Variants in DGKB observed in about 807,000 individuals in gnomAD.
The protein encoded by DGKB is 90 kDa diacylglycerol kinase.
A neutral mutation model predicts 114.3 loss-of-function variants in DGKB; 67 were observed. That is an observed-to-expected ratio of 0.59 (90% CI 0.48 to 0.72). The LOEUF (loss-of-function observed/expected upper bound fraction) is 0.72. Ranked by LOEUF, DGKB falls within the 30% of genes least tolerant of loss-of-function variation. The pLI is 0.00. For missense variants in DGKB, 907 were observed against 975.2 expected, an observed-to-expected ratio of 0.93 and a Z score of 0.93; for synonymous variants, 398 against 323.1, an observed-to-expected ratio of 1.23 and a Z score of -2.49.
intron 23 of DGKB, among the ~76,000 whole-genome samples, chr7:14,228,441 G>C (rs1791178797): frequency 6.6e-6 from 1 of 151,916 alleles, no homozygotes; most frequent in African/African-American, 2.4e-5. Flanking sequence ...ACTCATTATT[G>C]TTTTGTAAAA....
At chr7:14,716,621 T>C (rs1828228297) in intron 6 of DGKB, among the ~76,000 whole-genome samples, 1 of 152,210 alleles carries the variant, frequency 6.6e-6, no homozygotes, top group African/African-American at 2.4e-5. Flanking sequence ...AACTGTAAAA[T>C]AATACATGTT....
rs555926226 is a variant in DGKB at position 14,663,291 on chromosome 7, T to C, written c.1134+9638A>G. On this transcript the variant is annotated intron_variant, in intron 13 of 25. Coordinates refer to ENST00000402815, the MANE Select transcript of DGKB (RefSeq NM_001350709.2). ...CTCCTGATACTTAACATCAATTTTC[T>C]TGATAAGTAATGATGGTGAGTGCAT... Among the ~76,000 whole-genome samples, 33 of 152,152 alleles carry C rather than the reference T, an allele frequency of 2.2e-4. No homozygotes were observed. In the Middle Eastern group the frequency reaches 0.01, roughly 47 times the overall value.
intron 21 of DGKB, among the ~76,000 whole-genome samples, chr7:14,403,972 C>T (rs1269410514): frequency 6.6e-6 from 1 of 151,612 alleles, no homozygotes; most frequent in Non-Finnish European, 1.5e-5. Context: ...TCCTTAGGCA[C>T]CAGAATAAAA....
At chr7:14,310,192 A>G (rs1429961748) in intron 23 of DGKB, among the ~76,000 whole-genome samples, 1 of 152,142 alleles carries the variant, frequency 6.6e-6, no homozygotes, top group Admixed American at 6.6e-5. Flanking sequence ...ACCACTGGAC[A>G]CTCCATTTAC....
chr7:14,313,390 CAGTG>C (rs1418820072), intron 23 of DGKB, among the ~76,000 whole-genome samples: 4 of 152,012 alleles, frequency 2.6e-5, no homozygotes, highest in African/African-American at 7.3e-5. Flanking sequence ...GAGCGCCAGA[CAGTG>C]GGCGCAGGTC....
At chr7:14,688,176 C>A (rs182166556) in intron 9 of DGKB, among the ~76,000 whole-genome samples, 7,959 of 152,184 alleles carry the variant, frequency 0.052, 292 homozygotes, top group Admixed American at 0.09. Context: ...TCTGTCCCTT[C>A]TTTCTATCAG....
At chr7:14,377,059 T>G (rs1818604633) in intron 21 of DGKB, among the ~76,000 whole-genome samples, 1 of 152,202 alleles carries the variant, frequency 6.6e-6, no homozygotes, top group African/African-American at 2.4e-5. Context: ...TGATATGATG[T>G]GACAGCATCT....
intron 17 of DGKB, among the ~76,000 whole-genome samples, chr7:14,599,384 C>G (rs1438315960): frequency 6.6e-6 from 1 of 152,136 alleles, no homozygotes; most frequent in Admixed American, 6.6e-5. Context: ...TCACTCTGTT[C>G]TAGTCTCCCT....
At chr7:14,400,502 G>A (rs1822933124) in intron 21 of DGKB, among the ~76,000 whole-genome samples, 1 of 151,758 alleles carries the variant, frequency 6.6e-6, no homozygotes, top group Admixed American at 6.6e-5. Context: ...TAGCATTAGA[G>A]CAAGACTAAT....
intron 23 of DGKB, among the ~76,000 whole-genome samples, chr7:14,286,928 T>A (rs1800959979): frequency 6.6e-6 from 1 of 152,150 alleles, no homozygotes; most frequent in African/African-American, 2.4e-5. Flanking sequence ...ATTCGCCACT[T>A]ACATTACCTT....
intron 9 of DGKB, among the ~76,000 whole-genome samples, chr7:14,687,245 C>CTG (rs1477644712): frequency 6.6e-6 from 1 of 152,262 alleles, no homozygotes; most frequent in East Asian, 1.9e-4. Flanking sequence ...ATCCATAAAA[C>CTG]TGTGGCAAGC....
chr7:14,371,845 C>A (rs1248872346), intron 21 of DGKB, among the ~76,000 whole-genome samples: 1 of 152,210 alleles, frequency 6.6e-6, no homozygotes, highest in African/African-American at 2.4e-5. Flanking sequence ...ATTCCAGCAC[C>A]TACTGCTGAG....
At chr7:14,818,440 G>C (rs1195687174) in intron 2 of DGKB, among the ~76,000 whole-genome samples, 2 of 152,128 alleles carry the variant, frequency 1.3e-5, no homozygotes, top group Non-Finnish European at 2.9e-5. Flanking sequence ...TAGCCAGGCT[G>C]TGTGGCCCAC....
intron 10 of DGKB, among the ~76,000 whole-genome samples, chr7:14,684,653 A>T (rs1195300611): frequency 1.3e-5 from 2 of 152,284 alleles, no homozygotes; most frequent in East Asian, 1.9e-4. Context: ...TGAAATTTTT[A>T]AAATGGCCAC....
chr7:14,196,736 G>T (rs533217746), intron 23 of DGKB, among the ~76,000 whole-genome samples: 36 of 151,866 alleles, frequency 2.4e-4, no homozygotes, highest in Admixed American at 2.1e-3. Context: ...GAGATTTTCA[G>T]TATCTAGTCA....
chr7:14,958,475 A>ACACACC (rs1373524055), intron 1 of DGKB, among the ~76,000 whole-genome samples: 14 of 144,376 alleles, frequency 9.7e-5, no homozygotes, highest in East Asian at 2.1e-4. Flanking sequence ...ACACACACAC[A>ACACACC]CCCCGTCCAG....
chr7:14,209,879 A>G (rs1787474473), intron 23 of DGKB, among the ~76,000 whole-genome samples: 1 of 139,250 alleles, frequency 7.2e-6, no homozygotes, highest in Non-Finnish European at 1.5e-5. Context: ...TGAAAAGGTT[A>G]TTCACCCTAT....
chr7:14,732,306 A>G (rs1831040132), intron 5 of DGKB, among the ~76,000 whole-genome samples: 1 of 152,108 alleles, frequency 6.6e-6, no homozygotes, highest in African/African-American at 2.4e-5. Flanking sequence ...TGGTAATGAA[A>G]TATGGTGAAC....
chr7:14,247,968 G>T (rs1794718640), intron 23 of DGKB, among the ~76,000 whole-genome samples: 1 of 152,006 alleles, frequency 6.6e-6, no homozygotes, highest in Admixed American at 6.6e-5. Flanking sequence ...TCTTCTAGCA[G>T]TTTCTAGTTA....
Sources: allele counts gnomAD v4.1 joint callset (sites outside exome capture counted in the v4.1 genomes callset), GRCh38; gene constraint gnomAD v4.1.1; transcripts MANE v1.5; gene names NCBI Gene and HGNC (gene_info 2026-07-23, HGNC 2026-07-21).